Variants in RBFOX1 observed in about 807,000 individuals in gnomAD.
RBFOX1 encodes the protein RNA binding fox-1 homolog 1.
Under a neutral mutation model 57.7 loss-of-function variants are expected in RBFOX1, and 8 were observed. That is an observed-to-expected ratio of 0.14 (90% CI 0.08 to 0.25). RBFOX1 has a LOEUF of 0.25. RBFOX1 is among the 10% of genes least tolerant of loss of function. The pLI is 1.00. For missense variants in RBFOX1, 611 were observed against 548.5 expected (o/e 1.11, Z -1.14); for synonymous variants, 326 against 222.4 (o/e 1.47, Z -4.15).
intron 2 of RBFOX1, among the ~76,000 whole-genome samples, chr16:6,506,503 C>T (rs932103108): frequency 1.2e-3 from 178 of 152,048 alleles, no homozygotes; most frequent in African/African-American, 3.8e-3. Context: ...AAAAAAGATG[C>T]GTCAGGGTTA....
At chr16:5,743,502 C>T (rs1276292950) in intron 3 of RBFOX1, among the ~76,000 whole-genome samples, 4 of 152,168 alleles carry the variant, frequency 2.6e-5, no homozygotes, top group Non-Finnish European at 1.5e-5. Flanking sequence ...TACATGTAGT[C>T]ACTCAGCACG....
chr16:7,622,886 A>T (rs1190170606), intron 10 of RBFOX1, among the ~76,000 whole-genome samples: 3 of 152,220 alleles, frequency 2.0e-5, no homozygotes, highest in African/African-American at 7.2e-5. Context: ...GTGTAAAAGC[A>T]TTAGGGATTA....
chr16:6,964,381 C>T (rs1271092854), intron 3 of RBFOX1, among the ~76,000 whole-genome samples: 2 of 152,090 alleles, frequency 1.3e-5, no homozygotes, highest in African/African-American at 2.4e-5. Context: ...GGATCTGTGT[C>T]GTTATATATT....
At chr16:5,769,434 A>G (rs1201683567) in intron 3 of RBFOX1, among the ~76,000 whole-genome samples, 1 of 151,250 alleles carries the variant, frequency 6.6e-6, no homozygotes, top group Non-Finnish European at 1.5e-5. Context: ...TGAAGTCAGG[A>G]GTTTGAAACC....
At chr16:6,847,599 G>A (rs1380104698) in intron 3 of RBFOX1, among the ~76,000 whole-genome samples, 1 of 152,022 alleles carries the variant, frequency 6.6e-6, no homozygotes, top group African/African-American at 2.4e-5. Context: ...ATGGCAAAGG[G>A]AGTGAATACA....
intron 4 of RBFOX1, among the ~76,000 whole-genome samples, chr16:7,337,092 A>G (rs1162240262): frequency 6.6e-6 from 1 of 152,196 alleles, no homozygotes; most frequent in African/African-American, 2.4e-5. Flanking sequence ...AATTGCAGTC[A>G]TGCCTTTAAT....
chr16:6,649,076 A>G (rs1345399473), intron 2 of RBFOX1, among the ~76,000 whole-genome samples: 1 of 152,122 alleles, frequency 6.6e-6, no homozygotes, highest in Non-Finnish European at 1.5e-5. Context: ...CTGAAATTTT[A>G]TGTCTTTAGG....
intron 11 of RBFOX1, among the ~76,000 whole-genome samples, chr16:7,653,507 A>G (rs1192939644): frequency 1.3e-5 from 2 of 152,322 alleles, no homozygotes; most frequent in South Asian, 2.1e-4. Flanking sequence ...CCCTGTCTCA[A>G]ATAAACTCAT....
intron 2 of RBFOX1, among the ~76,000 whole-genome samples, chr16:6,557,818 G>C (rs2097126236): frequency 6.6e-6 from 1 of 152,196 alleles, no homozygotes; most frequent in Admixed American, 6.5e-5. Context: ...GACAAATGTA[G>C]AGCTAAGTAG....
At chr16:6,744,858 G>A (rs2073194080) in intron 3 of RBFOX1, among the ~76,000 whole-genome samples, 1 of 151,980 alleles carries the variant, frequency 6.6e-6, no homozygotes, top group South Asian at 2.1e-4. Flanking sequence ...AATAAAACAG[G>A]TAGTAGGCCA....
chr16:6,897,394 C>T (rs2067206737), intron 3 of RBFOX1, among the ~76,000 whole-genome samples: 1 of 151,452 alleles, frequency 6.6e-6, no homozygotes. Context: ...CAGAGCGAGA[C>T]TCCGTCACAC....
intron 2 of RBFOX1, among the ~76,000 whole-genome samples, chr16:6,462,715 C>A (rs1197404893): frequency 6.6e-6 from 1 of 151,004 alleles, no homozygotes; most frequent in East Asian, 2.0e-4. Context: ...GCCCCCCACA[C>A]ACAAAATTGG....
intron 4 of RBFOX1, among the ~76,000 whole-genome samples, chr16:7,301,402 T>G (rs1224178769): frequency 1.3e-5 from 2 of 152,174 alleles, no homozygotes; most frequent in Non-Finnish European, 2.9e-5. Context: ...TAGGTCTGGT[T>G]CTCATGTTGT....
chr16:5,883,455 A>T (rs778851725), intron 4 of RBFOX1, among the ~76,000 whole-genome samples: 18 of 152,106 alleles, frequency 1.2e-4, no homozygotes, highest in Non-Finnish European at 1.8e-4. Flanking sequence ...ATCTCTTAGC[A>T]TTGCATCTTA....
At chr16:5,501,426 G>A (rs1010083992) in intron 2 of RBFOX1, among the ~76,000 whole-genome samples, 1 of 151,894 alleles carries the variant, frequency 6.6e-6, no homozygotes. Context: ...CAAACTATGC[G>A]GACGCCCTGT....
At chr16:5,625,718 C>T (rs2048330886) in intron 3 of RBFOX1, among the ~76,000 whole-genome samples, 1 of 150,808 alleles carries the variant, frequency 6.6e-6, no homozygotes, top group African/African-American at 2.4e-5. Context: ...CCACCATGCT[C>T]AGCAAATTTT....
intron 4 of RBFOX1, among the ~76,000 whole-genome samples, chr16:7,447,080 G>C (rs1444088317): frequency 6.6e-6 from 1 of 151,914 alleles, no homozygotes; most frequent in Non-Finnish European, 1.5e-5. Context: ...CCAAAGTGCT[G>C]GGATTACAGG....
intron 3 of RBFOX1, among the ~76,000 whole-genome samples, chr16:6,990,110 A>G (rs941216588): frequency 5.9e-5 from 9 of 152,218 alleles, no homozygotes; most frequent in Admixed American, 2.6e-4. Context: ...TTATGTGAAC[A>G]TATGTCACCA....
intron 1 of RBFOX1, chr16:5,366,052 G>T: frequency 2.1e-6 from 1 of 475,098 alleles, no homozygotes; most frequent in Non-Finnish European, 4.1e-6. Context: ...TACAGCAATG[G>T]TTTCCCTTGG....
Sources: allele counts gnomAD v4.1 joint callset (sites outside exome capture counted in the v4.1 genomes callset), GRCh38; gene constraint gnomAD v4.1.1; transcripts MANE v1.5; gene names NCBI Gene and HGNC (gene_info 2026-07-23, HGNC 2026-07-21).